MMS22L: variants seen among roughly 807,000 people sequenced by gnomAD.
The protein encoded by MMS22L is MMS22 like, DNA repair protein.
Under a neutral mutation model 159.1 loss-of-function variants are expected in MMS22L, and 74 were observed. The observed-to-expected ratio is 0.47, with a 90% CI of 0.39 to 0.56. The LOEUF is 0.56. Among genes scored for constraint, MMS22L ranks in the 20% least tolerant of loss-of-function variants. The pLI, the probability that MMS22L is intolerant of heterozygous loss-of-function variation, is 0.00. For missense variants in MMS22L, 1,351 were observed against 1,422.1 expected (o/e 0.95, Z 0.80); for synonymous variants, 517 against 506.9 (o/e 1.02, Z -0.27).
At chr6:97,279,170 C>T (rs1376750008) in intron 3 of MMS22L, among the ~76,000 whole-genome samples, 1 of 152,202 alleles carries the variant, frequency 6.6e-6, no homozygotes, top group Non-Finnish European at 1.5e-5. Flanking sequence ...CCTTCACCAT[C>T]AGCAAGATAC....
intron 8 of MMS22L, chr6:97,264,995 T>G (rs201213284): frequency 1.3e-5 from 2 of 151,936 alleles, no homozygotes; most frequent in East Asian, 3.9e-4. Context: ...TTCAATGAAA[T>G]CCCTACCAAA....
intron 22 of MMS22L, among the ~76,000 whole-genome samples, chr6:97,155,903 T>C (rs1273508631): frequency 1.3e-5 from 2 of 152,204 alleles, no homozygotes; most frequent in Admixed American, 6.5e-5. Flanking sequence ...CTTGAGGAAT[T>C]GCCACACTGT....
At position 97,145,337 on chromosome 6, in the gene MMS22L, G is replaced by A. The variant is rs1371522430; in HGVS notation, c.*1469C>T. ...TTTCACAGATTATAATTAAGAGAACGCTATTAACTACAGAATACTGATTGC... is the reference window on the plus strand; with the variant it reads ...TTTCACAGATTATAATTAAGAGAACACTATTAACTACAGAATACTGATTGC... On this transcript the variant is annotated 3_prime_UTR_variant, in exon 25 of 25. Transcript: ENST00000683635. 6.6e-6 allele frequency: 1 copy of A among 152,082 alleles called. No homozygotes were observed. The highest frequency in any genetic ancestry group is 1.5e-5 in the Non-Finnish European group (1 of 68,002). 9.4% of individuals were successfully genotyped at this position (152,082 alleles called of 1,614,324 possible).
chr6:97,267,305 T>C (rs1231886305), intron 8 of MMS22L: 1 of 151,994 alleles, frequency 6.6e-6, no homozygotes, highest in Non-Finnish European at 1.5e-5. Context: ...TAACAGATAA[T>C]ACTCTACAAA....
rs1562526462 is a variant in MMS22L at position 97,270,004 on chromosome 6, A to G, written c.607-12T>C. ...GACGGTGGAAAAAGCTGTGGATGAC[A>G]TTATCAACTGTGATTGAGAATTCAT... On this transcript the variant is annotated splice_polypyrimidine_tract_variant and intron_variant, in intron 6 of 24. Coordinates refer to ENST00000683635, the MANE Select transcript of MMS22L (RefSeq NM_001350599.2). 1.9e-6 allele frequency: 3 copies of G among 1,594,162 alleles called. No individual in the cohort carries two copies. The highest frequency in any genetic ancestry group is 2.6e-6 in the Non-Finnish European group (3 of 1,163,186).
chr6:97,215,652 C>G (rs1015569274), intron 14 of MMS22L, among the ~76,000 whole-genome samples: 6 of 152,080 alleles, frequency 3.9e-5, no homozygotes, highest in Non-Finnish European at 8.8e-5. Context: ...GCCTGACCCT[C>G]AGGACACTGC....
At chr6:97,234,201 C>T (rs776091765) in intron 11 of MMS22L, among the ~76,000 whole-genome samples, 3 of 152,128 alleles carry the variant, frequency 2.0e-5, no homozygotes, top group Non-Finnish European at 4.4e-5. Flanking sequence ...ACAGAAGTCA[C>T]ATAACTCGAC....
chr6:97,261,704 G>A (rs547801000), intron 9 of MMS22L: 1 of 152,096 alleles, frequency 6.6e-6, no homozygotes, highest in Non-Finnish European at 1.5e-5. Flanking sequence ...GTCAACAGTA[G>A]ATATATTTGA....
intron 22 of MMS22L, among the ~76,000 whole-genome samples, chr6:97,156,391 C>T (rs1801849681): frequency 1.3e-5 from 2 of 152,110 alleles, no homozygotes; most frequent in South Asian, 4.1e-4. Context: ...AAGTCTTTGC[C>T]CATCCCCATG....
At chr6:97,273,296 C>T (rs1815939243) in intron 4 of MMS22L, among the ~76,000 whole-genome samples, 1 of 152,110 alleles carries the variant, frequency 6.6e-6, no homozygotes, top group Admixed American at 6.5e-5. Flanking sequence ...TAACTTGCTC[C>T]CACAGTAGCA....
chr6:97,262,579 G>A (rs1814600923), intron 9 of MMS22L, among the ~76,000 whole-genome samples: 1 of 146,600 alleles, frequency 6.8e-6, no homozygotes. Context: ...GGGAGGCGGA[G>A]ATTGCAGTGA....
Position 97,267,866 on chromosome 6 carries a change from C to T in MMS22L, c.828+6G>A. On this transcript the variant is annotated splice_donor_region_variant and intron_variant, in intron 8 of 24. Coordinates refer to ENST00000683635, the MANE Select transcript of MMS22L (RefSeq NM_001350599.2). Reference sequence around the variant, plus strand: ...GTCTCAAAAATACAAACTCTTAAAGCATTACCTTGTCGTACCTGTTGAGTG... The same window carrying T: ...GTCTCAAAAATACAAACTCTTAAAGTATTACCTTGTCGTACCTGTTGAGTG... The T allele has an allele frequency of 1.9e-6, 3 of 1,597,178 alleles. No homozygotes were observed. The highest frequency in any genetic ancestry group is 2.6e-6 in the Non-Finnish European group (3 of 1,174,396).
chr6:97,185,151 C>T (rs1232386401), intron 15 of MMS22L, among the ~76,000 whole-genome samples: 2 of 151,816 alleles, frequency 1.3e-5, no homozygotes, highest in African/African-American at 4.8e-5. Flanking sequence ...CTTCTGTATT[C>T]CTATCCTATA....
intron 14 of MMS22L, among the ~76,000 whole-genome samples, chr6:97,189,036 G>A (rs1284195178): frequency 6.6e-6 from 1 of 151,704 alleles, no homozygotes; most frequent in Non-Finnish European, 1.5e-5. Context: ...GGCTGGAAAA[G>A]CCACATGTAG....
intron 11 of MMS22L, among the ~76,000 whole-genome samples, chr6:97,237,634 A>G (rs1366186350): frequency 3.3e-5 from 5 of 152,220 alleles, no homozygotes; most frequent in African/African-American, 1.2e-4. Context: ...AAGAGCCTCC[A>G]TAAATGATTC....
intron 10 of MMS22L, among the ~76,000 whole-genome samples, chr6:97,248,730 G>A (rs6913208): frequency 0.64 from 97,377 of 151,772 alleles, 32,822 homozygotes; most frequent in Non-Finnish European, 0.76. Context: ...GTGGTGGTGC[G>A]TGCCTGTAAT....
In MMS22L at chr6:97,246,680, T is replaced by C. The variant is rs777902571; in HGVS notation, c.1130A>G (p.Glu377Gly). The C allele has an allele frequency of 6.2e-7, 1 of 1,604,182 alleles. No homozygotes were observed. Among genetic ancestry groups the C allele is most frequent in the East Asian group, 2.2e-5 (1 of 44,622 alleles). ...HGVPDEMRKV[E>G]SNWNFVEELL... ...TTCTTCTACAAAGTTCCAATTTGATTCCACTTTTCTCTAGAAAGGGAGAAA... is the reference window on the plus strand; with the variant it reads ...TTCTTCTACAAAGTTCCAATTTGATCCCACTTTTCTCTAGAAAGGGAGAAA... The change falls in exon 11 of 25, where the codon GAA becomes GGA. Residue 377 changes from glutamate to glycine, a missense_variant. Glu to Gly is a moderately conservative substitution (Grantham distance 98, BLOSUM62 -2). Transcript: ENST00000683635.
At chr6:97,246,770 G>C (rs919214891) in intron 10 of MMS22L, 80 bp from the exon 11 acceptor site, 1 of 923,078 alleles carries the variant, frequency 1.1e-6, no homozygotes, top group Non-Finnish European at 1.7e-6. Flanking sequence ...AGCAAATTAA[G>C]TGTGCAGTAC....
At chr6:97,259,976 T>C (rs1427677447) in intron 9 of MMS22L, 1 of 152,176 alleles carries the variant, frequency 6.6e-6, no homozygotes, top group Non-Finnish European at 1.5e-5. Context: ...CACTTTTTCA[T>C]TGAGTCATTT....
Sources: allele counts gnomAD v4.1 joint callset (sites outside exome capture counted in the v4.1 genomes callset), GRCh38; gene constraint gnomAD v4.1.1; transcripts MANE v1.5; gene names NCBI Gene and HGNC (gene_info 2026-07-23, HGNC 2026-07-21).